The following SAP130 variants were observed in gnomAD, a reference collection of about 807,000 sequenced individuals.
SAP130 encodes the protein histone deacetylase complex subunit SAP130.
SAP130 carries 16 observed loss-of-function variants against 103.2 expected under a neutral mutation model. The ratio of observed to expected loss-of-function variants is 0.16; its 90% CI spans 0.10 to 0.24. SAP130 has a LOEUF of 0.24. Among genes scored for constraint, SAP130 ranks in the 10% least tolerant of loss-of-function variants. The probability of loss-of-function intolerance (pLI) is 1.00; values close to 1 mark genes in which losing one functional copy is unlikely to be tolerated. For missense variants in SAP130, 990 were observed against 1,359.7 expected (o/e 0.73, Z 4.28); for synonymous variants, 477 against 497.0 (o/e 0.96, Z 0.53).
intron 4 of SAP130, among the ~76,000 whole-genome samples, chr2:128,015,501 TTTCTTGAAAATGTG>T (rs1684708031): frequency 6.6e-6 from 1 of 152,312 alleles, no homozygotes; most frequent in South Asian, 2.1e-4. Flanking sequence ...GATATAAATT[TTTCTTGAAAATGTG>T]AAGGGAAAGT....
chr2:127,984,329 AT>A (rs1474729476), intron 14 of SAP130, among the ~76,000 whole-genome samples: 1 of 152,002 alleles, frequency 6.6e-6, no homozygotes, highest in African/African-American at 2.4e-5. Flanking sequence ...TTTGTGTTTT[AT>A]TCTCCCTGCC....
Position 127,950,376 on chromosome 2 carries a change from G to C in SAP130, c.2455C>G (p.Pro819Ala). 1 of 1,614,208 alleles carries C rather than the reference G, an allele frequency of 6.2e-7. No homozygotes were observed. Among genetic ancestry groups the C allele is most frequent in the Non-Finnish European group, 8.5e-7 (1 of 1,180,028 alleles). The change falls in exon 17 of 21, where the codon CCA becomes GCA. Residue 819 changes from proline to alanine, a missense_variant. Coordinates refer to ENST00000643581, the MANE Select transcript of SAP130 (RefSeq NM_001330301.2). ...TTGTTTGCCAGCAATGCAAGAGATG[G>C]AGACACAGTGTTGGTAGCCAGTGGA... ...VPPLATNTVS[P>A]SLALLANNLS...
At chr2:128,008,919 C>T (rs1042000583) in intron 7 of SAP130, among the ~76,000 whole-genome samples, 11 of 152,028 alleles carry the variant, frequency 7.2e-5, no homozygotes, top group South Asian at 6.2e-4. Flanking sequence ...TCCTGGACTC[C>T]GGTGATCCTC....
chr2:127,995,534 A>G (rs1421974489), intron 11 of SAP130, among the ~76,000 whole-genome samples: 1 of 152,226 alleles, frequency 6.6e-6, no homozygotes, highest in East Asian at 1.9e-4. Flanking sequence ...GGGGGTGGAT[A>G]AGAGAAAGTT....
intron 7 of SAP130, among the ~76,000 whole-genome samples, chr2:128,003,179 G>A (rs2105108513): frequency 6.6e-6 from 1 of 151,778 alleles, no homozygotes; most frequent in East Asian, 2.0e-4. Context: ...AGCCCAATTT[G>A]GGGCACTGGG....
At chr2:127,975,749 T>TA (rs1354192411) in intron 15 of SAP130, among the ~76,000 whole-genome samples, 1 of 152,128 alleles carries the variant, frequency 6.6e-6, no homozygotes, top group African/African-American at 2.4e-5. Context: ...GATGGTACTA[T>TA]AAAGTGTGTA....
intron 10 of SAP130, among the ~76,000 whole-genome samples, chr2:127,999,439 T>TA (rs1293914737): frequency 6.6e-6 from 1 of 151,724 alleles, no homozygotes; most frequent in Admixed American, 6.6e-5. Flanking sequence ...CCATCTCTAC[T>TA]AAAAATACAA....
chr2:128,025,003 C>CAAAAAAAAAAAAA, intron 2 of SAP130, among the ~76,000 whole-genome samples: 1 of 100,272 alleles, frequency 1.0e-5, no homozygotes, highest in Non-Finnish European at 2.1e-5. Context: ...CCCTATTGCG[C>CAAAAAAAAAAAAA]AAAAAAAAAA....
Position 127,942,990 on chromosome 2 carries a change from AAAATAAAT to A in SAP130, c.2902-461_2902-454del, listed in dbSNP as rs57077932. Reference sequence around the variant, plus strand: ...GCAACAAGAGCGAAATTCCATCTAAAAAATAAATAAATAAATAAATAAATAAAATAAAA... The same window carrying A: ...GCAACAAGAGCGAAATTCCATCTAAAAAATAAATAAATAAATAAAATAAAA... On this transcript the variant is annotated intron_variant, in intron 19 of 20. Coordinates refer to ENST00000643581, the MANE Select transcript of SAP130 (RefSeq NM_001330301.2). This position sits in a 1 kb window ranked among gnomAD's most constrained non-coding sequence, Gnocchi z 4.8. Among the ~76,000 whole-genome samples, 6 of 151,982 alleles carry A rather than the reference AAAATAAAT, an allele frequency of 3.9e-5. No homozygotes were observed. Among genetic ancestry groups the A allele is most frequent in the Non-Finnish European group, 7.4e-5 (5 of 67,976 alleles).
chr2:127,986,436 G>A lies in SAP130; in HGVS notation c.1958+349C>T, dbSNP rs1307866942. Among the ~76,000 whole-genome samples, 1 of 152,210 alleles carries A rather than the reference G, an allele frequency of 6.6e-6. No homozygotes were observed. Among genetic ancestry groups the A allele is most frequent in the Admixed American group, 6.5e-5 (1 of 15,274 alleles). ...ACAGCAACGATTCATGCTGAATGAAGTTTATAGTATGAGTTAAGGTAACTA... is the reference window on the plus strand; with the variant it reads ...ACAGCAACGATTCATGCTGAATGAAATTTATAGTATGAGTTAAGGTAACTA... On this transcript the variant is annotated intron_variant, in intron 14 of 20. Transcript: ENST00000643581. The surrounding 1 kb of genome is among the most constrained non-coding windows in gnomAD (Gnocchi z 4.7).
In SAP130 at chr2:127,942,190, A is replaced by C. The variant is rs1347852769; in HGVS notation, c.3016-26T>G. On this transcript the variant is annotated intron_variant, in intron 20 of 20. Coordinates refer to ENST00000643581, the MANE Select transcript of SAP130 (RefSeq NM_001330301.2). The surrounding 1 kb of genome is among the most constrained non-coding windows in gnomAD (Gnocchi z 4.8). ...CTGAAACAGAAGACATTGCATCATC[A>C]ATCAGTGACCATGAGGATAGTACAG... is the stretch of plus-strand genomic sequence containing the variant. 3 of 1,569,140 alleles carry C rather than the reference A, an allele frequency of 1.9e-6. No individual in the cohort carries two copies. The highest frequency in any genetic ancestry group is 2.6e-6 in the Non-Finnish European group (3 of 1,161,590).
intron 11 of SAP130, among the ~76,000 whole-genome samples, chr2:127,995,343 G>A (rs1043428977): frequency 6.6e-6 from 1 of 152,146 alleles, no homozygotes; most frequent in African/African-American, 2.4e-5. Context: ...ATAAGGAAAG[G>A]CTAGAATAGA....
At chr2:128,004,614 TG>T (rs1218316288) in intron 7 of SAP130, among the ~76,000 whole-genome samples, 1 of 152,024 alleles carries the variant, frequency 6.6e-6, no homozygotes, top group Admixed American at 6.6e-5. Context: ...AAATCTTTTG[TG>T]TAACAGTGGA....
chr2:127,989,329 C>T lies in SAP130; in HGVS notation c.1780+235G>A, dbSNP rs1283994880. Among the ~76,000 whole-genome samples, 2 of 151,954 alleles carry T rather than the reference C, an allele frequency of 1.3e-5. No individual in the cohort carries two copies. Among genetic ancestry groups the T allele is most frequent in the African/African-American group, 4.8e-5 (2 of 41,362 alleles). On this transcript the variant is annotated intron_variant, in intron 13 of 20. Coordinates refer to ENST00000643581, the MANE Select transcript of SAP130 (RefSeq NM_001330301.2). This position sits in a 1 kb window ranked among gnomAD's most constrained non-coding sequence, Gnocchi z 4.6. ...AGCCTGGATAGTCTTGATCTCCTGACCTCGTGATCCACCCGCCTCAGCCTC... is the reference window on the plus strand; with the variant it reads ...AGCCTGGATAGTCTTGATCTCCTGATCTCGTGATCCACCCGCCTCAGCCTC...
rs899122749 is a variant in SAP130, at chr2:127,941,897, G to C, written c.*109C>G. ...CCTCTGCTTTCACACGGGAACTAAGGAACACTTCCTTTATTTCAATGTTCC... is the reference window on the plus strand; with the variant it reads ...CCTCTGCTTTCACACGGGAACTAAGCAACACTTCCTTTATTTCAATGTTCC... On this transcript the variant is annotated 3_prime_UTR_variant, in exon 21 of 21. Transcript: ENST00000643581. The C allele has an allele frequency of 8.9e-5, 88 of 988,624 alleles. No individual in the cohort carries two copies. Among genetic ancestry groups the C allele is most frequent in the African/African-American group, 1.3e-4 (8 of 60,856 alleles). 61.2% of individuals were successfully genotyped at this position (988,624 alleles called of 1,614,324 possible).
At chr2:128,003,957 C>CTTTTTTTGTTTT (rs1683763949) in intron 7 of SAP130, among the ~76,000 whole-genome samples, 1 of 67,878 alleles carries the variant, frequency 1.5e-5, no homozygotes, top group Admixed American at 2.3e-4. Flanking sequence ...CACAGATCAG[C>CTTTTTTTGTTTT]TTTTTTTTTT....
At chr2:127,943,871 G>A (rs565384785) in intron 19 of SAP130, among the ~76,000 whole-genome samples, 8 of 152,164 alleles carry the variant, frequency 5.3e-5, no homozygotes, top group African/African-American at 1.4e-4. Context: ...CAAATTAACC[G>A]TAGCATACTC....
rs749078392 is a variant in SAP130 at position 128,000,049 on chromosome 2, G to T, written c.1108+7C>A. On this transcript the variant is annotated splice_region_variant and intron_variant, in intron 9 of 20. Transcript: ENST00000643581. ...CAGTAGAAGGAAGAGGAGGGTCGTGGACTTACCAGCTGTGGTCGCTGAAGG... is the reference window on the plus strand; with the variant it reads ...CAGTAGAAGGAAGAGGAGGGTCGTGTACTTACCAGCTGTGGTCGCTGAAGG... 4 of 1,613,390 alleles carry T rather than the reference G, an allele frequency of 2.5e-6. No individual in the cohort carries two copies. In the African/African-American group the frequency reaches 4.0e-5, roughly 16 times the overall value.
At position 128,013,106 on chromosome 2, in the gene SAP130, A is replaced by G; in HGVS notation, c.668T>C (p.Leu223Pro). 1.2e-6 allele frequency: 2 copies of G among 1,613,404 alleles called. No individual in the cohort carries two copies. Among genetic ancestry groups the G allele is most frequent in the Non-Finnish European group, 8.5e-7 (1 of 1,179,758 alleles). The change falls in exon 6 of 21, where the codon CTG (leucine) becomes CCG (proline). Residue 223 changes from leucine to proline, a missense_variant. Coordinates refer to ENST00000643581, the MANE Select transcript of SAP130 (RefSeq NM_001330301.2). ...ATTTGGCAGCTGTGAGGTCGGCCTC[A>G]GGACTGTGGTTACTTTAGAACTGGA... ...VMSSSKVTTV[L>P]RPTSQLPNAA...
Sources: allele counts gnomAD v4.1 joint callset (sites outside exome capture counted in the v4.1 genomes callset), GRCh38; gene constraint gnomAD v4.1.1; non-coding constraint Gnocchi (gnomAD v3.1); transcripts MANE v1.5; gene names NCBI Gene and HGNC (gene_info 2026-07-23, HGNC 2026-07-21).